Variants in ZNF449 observed in about 807,000 individuals in gnomAD.
ZNF449 encodes the protein zinc finger and SCAN domain-containing protein 19.
Under a neutral mutation model 32.6 loss-of-function variants are expected in ZNF449, and 4 were observed. The observed-to-expected ratio is 0.12, with a 90% CI of 0.06 to 0.28. ZNF449 has a LOEUF of 0.28. Among genes scored for constraint, ZNF449 ranks in the 10% least tolerant of loss-of-function variants. The pLI is 1.00. For missense variants in ZNF449, 275 were observed against 383.2 expected, an observed-to-expected ratio of 0.72 and a Z score of 2.36; for synonymous variants, 123 against 132.2, an observed-to-expected ratio of 0.93 and a Z score of 0.48.
intron 2 of ZNF449, chrX:135,347,958 AG>A (rs2084859468): frequency 1.5e-5 from 3 of 195,231 alleles, no homozygotes; most frequent in Non-Finnish European, 3.0e-5. Context: ...AATCAAGTCT[AG>A]AAGGAATATA....
rs552605724 is a variant in ZNF449 at position 135,350,003 on chromosome X, AT to A, written c.559+707del. 9.0e-3 allele frequency among the ~76,000 whole-genome samples: 736 copies of A among 81,726 alleles called. 5 individuals carry two copies. The highest frequency in any genetic ancestry group is 0.027 in the African/African-American group (610 of 22,469). 71.0% of individuals were successfully genotyped at this position (81,726 alleles called of 115,157 possible). The stretch of plus-strand genomic sequence containing the variant: ...ATTTTATTCCCCTTTGGGGTTTTCT[AT>A]TTTTTTTTTTTTTTTTTCTGAGACG... On this transcript the variant is annotated intron_variant, in intron 3 of 4. Coordinates refer to ENST00000339249, the MANE Select transcript of ZNF449 (RefSeq NM_152695.6).
At chrX:135,355,677 C>A (rs1475529217) in intron 3 of ZNF449, among the ~76,000 whole-genome samples, 1 of 111,439 alleles carries the variant, frequency 9.0e-6, no homozygotes, top group Non-Finnish European at 1.9e-5. Context: ...ATTTTTTTTA[C>A]ATTTACATCT....
At chrX:135,346,942 A>C in intron 1 of ZNF449, 77 bp from the exon 2 acceptor site, 1 of 374,694 alleles carries the variant, frequency 2.7e-6, no homozygotes, top group Non-Finnish European at 4.5e-6. Context: ...TCTTTGGTAA[A>C]AAAGAAGTTG....
chrX:135,354,413 G>T (rs1026864626), intron 3 of ZNF449, among the ~76,000 whole-genome samples: 24 of 112,491 alleles, frequency 2.1e-4, no homozygotes, highest in African/African-American at 6.8e-4. Flanking sequence ...TGGGTCAAAA[G>T]TGAATGGGAA....
chrX:135,359,957 G>T lies in ZNF449; in HGVS notation c.625G>T (p.Glu209Ter). Residue 209 changes from glutamate to a stop codon, truncating the protein, a stop_gained, in exon 4 of 5, where the codon GAA becomes TAA. Coordinates refer to ENST00000339249, the MANE Select transcript of ZNF449 (RefSeq NM_152695.6). LOFTEE classifies it high-confidence loss of function. ...LENREEPWVK[E>*]LQDSKEMKQL... ...GAATAGAGAAGAGCCATGGGTGAAG[G>T]AATTACAGGATTCTAAAGAAATGAA... is the stretch of plus-strand genomic sequence containing the variant. 8.3e-7 allele frequency: 1 copy of T among 1,200,764 alleles called. No individual in the cohort carries two copies. The highest frequency in any genetic ancestry group is 1.8e-5 in the South Asian group (1 of 55,524).
intron 3 of ZNF449, among the ~76,000 whole-genome samples, chrX:135,359,680 A>G (rs1335387228): frequency 8.9e-6 from 1 of 111,976 alleles, no homozygotes; most frequent in African/African-American, 3.2e-5. Context: ...CACCTTCCAT[A>G]GATTAGAGAA....
At chrX:135,352,109 A>T (rs2084891052) in intron 3 of ZNF449, among the ~76,000 whole-genome samples, 1 of 112,354 alleles carries the variant, frequency 8.9e-6, no homozygotes, top group Non-Finnish European at 1.9e-5. Flanking sequence ...TGTGGACTGA[A>T]TGGAAAGCAC....
rs2084868582 is a variant in ZNF449, at chrX:135,349,130, C to T, written c.375C>T (p.Leu125=). ...CCCAGGTTGATATGCATGACATGCT[C>T]TTGGAAGAACTGGCACCAGTGGGAA... ...PEQQVDMHDM[L]LEELAPVGTA... Residue 125 remains leucine, a synonymous_variant, in exon 3 of 5, where the codon CTC becomes CTT. Coordinates refer to ENST00000339249, the MANE Select transcript of ZNF449 (RefSeq NM_152695.6). 1 of 1,211,396 alleles carries T rather than the reference C, an allele frequency of 8.3e-7. No individual in the cohort carries two copies. Among genetic ancestry groups the T allele is most frequent in the Non-Finnish European group, 1.1e-6 (1 of 895,406 alleles).
At chrX:135,346,993 C>A in intron 1 of ZNF449, 26 bp from the exon 2 acceptor site, 1 of 634,919 alleles carries the variant, frequency 1.6e-6, no homozygotes, top group Non-Finnish European at 2.4e-6. Flanking sequence ...TCCTGTTTCT[C>A]CTTTCTCATT....
At chrX:135,352,913 A>G (rs1365051459) in intron 3 of ZNF449, among the ~76,000 whole-genome samples, 2 of 112,016 alleles carry the variant, frequency 1.8e-5, no homozygotes, top group Non-Finnish European at 3.8e-5. Flanking sequence ...TTAATCTCCA[A>G]TTGCTTTTCC....
chrX:135,346,618 A>T (rs1315148509), intron 1 of ZNF449, among the ~76,000 whole-genome samples: 1 of 112,195 alleles, frequency 8.9e-6, no homozygotes, highest in Non-Finnish European at 1.9e-5. Context: ...GGACCATGGA[A>T]TTCTAGAGCA....
chrX:135,355,343 C>G (rs1183870699), intron 3 of ZNF449, among the ~76,000 whole-genome samples: 1 of 110,481 alleles, frequency 9.1e-6, no homozygotes, highest in Admixed American at 9.7e-5. Flanking sequence ...TACAAACAAT[C>G]CAATTCTACT....
At chrX:135,349,017 A>C in intron 2 of ZNF449, 93 bp from the exon 3 acceptor site, 14 of 1,085,188 alleles carry the variant, frequency 1.3e-5, no homozygotes, top group Non-Finnish European at 1.8e-5. Context: ...TATGGCCACT[A>C]GAAAATTTAA....
chrX:135,346,943 AAAG>A (rs1487451754), intron 1 of ZNF449, 73 bp from the exon 2 acceptor site: 4 of 373,821 alleles, frequency 1.1e-5, no homozygotes, highest in Non-Finnish European at 1.8e-5. Flanking sequence ...CTTTGGTAAA[AAAG>A]AAGTTGACCG....
chrX:135,354,355 TC>T (rs1282213402), intron 3 of ZNF449, among the ~76,000 whole-genome samples: 2 of 112,390 alleles, frequency 1.8e-5, no homozygotes, highest in Non-Finnish European at 3.8e-5. Flanking sequence ...GGTATTTTAT[TC>T]AATATATAAG....
Position 135,360,703 on chromosome X carries a change from T to C in ZNF449, c.1184T>C (p.Ile395Thr). The C allele has an allele frequency of 2.5e-6, 3 of 1,211,288 alleles. No individual in the cohort carries two copies. Among genetic ancestry groups the C allele is most frequent in the South Asian group, 1.8e-5 (1 of 56,874 alleles). Residue 395 changes from isoleucine to threonine, a missense_variant, in exon 5 of 5, where the codon ATA becomes ACA. Physicochemically the swap from Ile to Thr is moderately conservative, Grantham distance 89. Around this residue, in one of 3 missense-constraint regions of ZNF449, gnomAD observed 80 missense variants for 146.6 expected, o/e 0.55. Coordinates refer to ENST00000339249, the MANE Select transcript of ZNF449 (RefSeq NM_152695.6). ...CGATTCACTCGGCGGTCACATCTTA[T>C]AGGGCACCAGAGAACCCATTCTGAA... ...KKRFTRRSHL[I>T]GHQRTHSEEE...
chrX:135,347,560 A>T (rs1556448813), intron 2 of ZNF449, 88 bp downstream of exon 2: 5 of 1,178,307 alleles, frequency 4.2e-6, no homozygotes. Flanking sequence ...TCTCTATGTC[A>T]TTCCCCAGCC....
intron 2 of ZNF449, chrX:135,347,779 G>A (rs1159104311): frequency 8.7e-6 from 6 of 687,515 alleles, no homozygotes; most frequent in African/African-American, 2.2e-5. Flanking sequence ...ATGGCCTGAA[G>A]GCCAATTCTA....
rs782816978 is a variant in ZNF449, at chrX:135,361,120, CA to C, written c.*52del. ...GGTCTTACACAAATTGACACTAACT[CA>C]AAAAAAATCTTAACCTGCAGCAGGC... On this transcript the variant is annotated 3_prime_UTR_variant, in exon 5 of 5. Transcript: ENST00000339249. The C allele has an allele frequency of 6.4e-5, 68 of 1,061,520 alleles. No homozygotes were observed. Among genetic ancestry groups the C allele is most frequent in the Non-Finnish European group, 7.8e-5 (63 of 805,105 alleles). The allele number at this position is 1,061,520 out of a possible 1,213,427, so 87.5% of individuals were successfully genotyped here.
Sources: gnomAD v4.1 joint callset for allele counts (sites outside exome capture counted in the v4.1 genomes callset) on GRCh38, gnomAD v4.1.1 for gene constraint, gnomAD v4.1.1 regional missense constraint, MANE v1.5 for transcripts, NCBI Gene and HGNC (gene_info 2026-07-23, HGNC 2026-07-21) for gene names.